The following PCDH17 variants were observed in gnomAD, a reference collection of about 807,000 sequenced individuals.
The protein encoded by PCDH17 is protocadherin-17.
Under a neutral mutation model 67.7 loss-of-function variants are expected in PCDH17, and 21 were observed. The ratio of observed to expected loss-of-function variants is 0.31; its 90% CI spans 0.22 to 0.45. The LOEUF is 0.45. Ranked by LOEUF, PCDH17 falls within the 20% of genes least tolerant of loss-of-function variation. PCDH17 has a pLI of 1.00. For missense variants in PCDH17, 1,471 were observed against 1,564.8 expected, an observed-to-expected ratio of 0.94 and a Z score of 1.01; for synonymous variants, 701 against 656.7, an observed-to-expected ratio of 1.07 and a Z score of -1.03.
At chr13:57,716,958 T>C (rs943980613) in intron 3 of PCDH17, among the ~76,000 whole-genome samples, 2 of 152,052 alleles carry the variant, frequency 1.3e-5, no homozygotes, top group Non-Finnish European at 2.9e-5. Flanking sequence ...ACATCTAATG[T>C]GCCCACAAAA....
intron 3 of PCDH17, among the ~76,000 whole-genome samples, chr13:57,715,164 A>G (rs1273514810): frequency 2.0e-5 from 3 of 151,950 alleles, no homozygotes; most frequent in East Asian, 3.9e-4. Context: ...GACATCTGAT[A>G]TTACTGTAAA....
intron 1 of PCDH17, among the ~76,000 whole-genome samples, chr13:57,651,974 A>G (rs1955046427): frequency 6.6e-6 from 1 of 152,144 alleles, no homozygotes; most frequent in Non-Finnish European, 1.5e-5. Context: ...ATAAGAACAG[A>G]GTTTTATTTA....
chr13:57,639,922 A>G (rs1380086104), intron 1 of PCDH17, among the ~76,000 whole-genome samples: 1 of 151,968 alleles, frequency 6.6e-6, no homozygotes, highest in African/African-American at 2.4e-5. Flanking sequence ...AACATACTAA[A>G]CACACAAAAT....
At position 57,634,142 on chromosome 13, in the gene PCDH17, G is replaced by A. The variant is rs369599789; in HGVS notation, c.1596G>A (p.Gly532=). The change falls in exon 1 of 4, where the codon GGG becomes GGA. Residue 532 remains glycine, a synonymous_variant. Coordinates refer to ENST00000377918, the MANE Select transcript of PCDH17 (RefSeq NM_001040429.3). This position sits in a 1 kb window ranked among gnomAD's most constrained non-coding sequence, Gnocchi z 7.8. ...YTYVSVNPTN[G]AIYALRSFNF... Reference sequence around the variant, plus strand: ...ATGTGTCTGTGAATCCCACGAACGGGGCCATCTACGCCCTGCGCTCCTTTA... The same window carrying A: ...ATGTGTCTGTGAATCCCACGAACGGAGCCATCTACGCCCTGCGCTCCTTTA... The A allele has an allele frequency of 5.9e-5, 96 of 1,613,510 alleles. No individual in the cohort carries two copies. The highest frequency in any genetic ancestry group is 1.4e-5 in the Non-Finnish European group (17 of 1,180,038).
intron 3 of PCDH17, among the ~76,000 whole-genome samples, chr13:57,689,923 A>T (rs1456079985): frequency 2.0e-5 from 3 of 151,892 alleles, no homozygotes; most frequent in Non-Finnish European, 4.4e-5. Flanking sequence ...ACTGTTAAAG[A>T]TATGTCTTAA....
intron 3 of PCDH17, among the ~76,000 whole-genome samples, chr13:57,672,223 A>G (rs1254093462): frequency 6.6e-6 from 1 of 152,048 alleles, no homozygotes; most frequent in African/African-American, 2.4e-5. Flanking sequence ...CCTTCCTAGA[A>G]CATTCTAGAA....
intron 3 of PCDH17, among the ~76,000 whole-genome samples, chr13:57,720,234 A>C (rs76138561): frequency 0.029 from 4,387 of 152,066 alleles, 195 homozygotes; most frequent in African/African-American, 0.099. Flanking sequence ...TTCAGATATT[A>C]TCAGCCAATA....
chr13:57,642,634 T>A (rs1343906635), intron 1 of PCDH17, among the ~76,000 whole-genome samples: 1 of 151,578 alleles, frequency 6.6e-6, no homozygotes, highest in African/African-American at 2.4e-5. Context: ...TTATCTAGGA[T>A]TTCCACCTAA....
chr13:57,718,242 A>G (rs1345655294), intron 3 of PCDH17, among the ~76,000 whole-genome samples: 1 of 152,064 alleles, frequency 6.6e-6, no homozygotes, highest in Non-Finnish European at 1.5e-5. Flanking sequence ...AAATAAGCTT[A>G]TTAAAAATGG....
chr13:57,725,489 C>T lies in PCDH17; in HGVS notation c.*195C>T, dbSNP rs1052278653. 9.7e-6 allele frequency: 5 copies of T among 517,648 alleles called. No individual in the cohort carries two copies. The highest frequency in any genetic ancestry group is 3.4e-5 in the Admixed American group (1 of 29,504). The allele number at this position is 517,648 out of a possible 1,614,324, so 32.1% of individuals were successfully genotyped here. A position where few individuals can be genotyped will look rare whatever the true frequency, so the allele number is the denominator to read the frequency against. Reference sequence around the variant, plus strand: ...TCTTTTTCAGAGATAACAATGGTTTCGTTTTGACCAAACTTGTATTAGGAC... The same window carrying T: ...TCTTTTTCAGAGATAACAATGGTTTTGTTTTGACCAAACTTGTATTAGGAC... On this transcript the variant is annotated 3_prime_UTR_variant, in exon 4 of 4. Transcript: ENST00000377918.
chr13:57,666,869 G>A, intron 3 of PCDH17, 36 bp downstream of exon 3: 5 of 1,530,876 alleles, frequency 3.3e-6, no homozygotes, highest in Non-Finnish European at 4.4e-6. Context: ...AAAGTGTAAA[G>A]CTTAAGCAGT....
intron 3 of PCDH17, among the ~76,000 whole-genome samples, chr13:57,681,392 A>G (rs1422214798): frequency 6.6e-6 from 1 of 151,858 alleles, no homozygotes; most frequent in South Asian, 2.1e-4. Flanking sequence ...CTATAGTCAT[A>G]TGATTAACTG....
At chr13:57,694,619 C>G (rs1385429819) in intron 3 of PCDH17, among the ~76,000 whole-genome samples, 1 of 151,156 alleles carries the variant, frequency 6.6e-6, no homozygotes, top group Non-Finnish European at 1.5e-5. Context: ...CTAAAATAAA[C>G]TATAAAATGG....
At chr13:57,630,780 GA>G (rs1176967764), upstream of PCDH17, among the ~76,000 whole-genome samples, 1 of 152,206 alleles carries the variant, frequency 6.6e-6, no homozygotes, top group Non-Finnish European at 1.5e-5. Context: ...GCGTTAGGAA[GA>G]AGCCGCAACT....
At chr13:57,715,467 A>C (rs1955809308) in intron 3 of PCDH17, among the ~76,000 whole-genome samples, 1 of 151,842 alleles carries the variant, frequency 6.6e-6, no homozygotes, top group Non-Finnish European at 1.5e-5. Flanking sequence ...ATTTCAAGGG[A>C]CTTTAGGGTC....
chr13:57,694,912 TG>T (rs1369083582), intron 3 of PCDH17, among the ~76,000 whole-genome samples: 1 of 151,210 alleles, frequency 6.6e-6, no homozygotes, highest in African/African-American at 2.4e-5. Flanking sequence ...TCCAAAGAGC[TG>T]GGTCAGGATG....
rs144660243 is a variant in PCDH17 at position 57,725,093 on chromosome 13, C to T, written c.3279C>T (p.Ser1093=). 58 of 1,613,974 alleles carry T rather than the reference C, an allele frequency of 3.6e-5. No individual in the cohort carries two copies. Among genetic ancestry groups the T allele is most frequent in the African/African-American group, 5.3e-5 (4 of 74,922 alleles). ...CAAGAGACCCTCCCTTCATGGCTTC[C>T]GATCAGATGGCAAGGGTCTTTGCAG... ...KQPRDPPFMA[S]DQMARVFADV... is the part of the protein sequence containing the mutation. Residue 1093 remains serine, a synonymous_variant, in exon 4 of 4, where the codon TCC becomes TCT. Coordinates refer to ENST00000377918, the MANE Select transcript of PCDH17 (RefSeq NM_001040429.3).
At chr13:57,678,839 A>T (rs1566232674) in intron 3 of PCDH17, among the ~76,000 whole-genome samples, 1 of 151,532 alleles carries the variant, frequency 6.6e-6, no homozygotes, top group Non-Finnish European at 1.5e-5. Flanking sequence ...TTTCCGTCTC[A>T]TGGTTCTCAT....
intron 1 of PCDH17, among the ~76,000 whole-genome samples, chr13:57,657,608 C>A (rs1430835683): frequency 6.6e-6 from 1 of 152,192 alleles, no homozygotes; most frequent in Non-Finnish European, 1.5e-5. Context: ...CCTCTTAACA[C>A]TCCCTTGTGT....
Sources: gnomAD v4.1 joint callset for allele counts (sites outside exome capture counted in the v4.1 genomes callset) on GRCh38, gnomAD v4.1.1 for gene constraint, Gnocchi (gnomAD v3.1) non-coding constraint, MANE v1.5 for transcripts, NCBI Gene and HGNC (gene_info 2026-07-23, HGNC 2026-07-21) for gene names.